Variants in LRRTM4 observed in about 807,000 individuals in gnomAD.
The protein encoded by LRRTM4 is leucine-rich repeat transmembrane neuronal protein 4.
Under a neutral mutation model 47.6 loss-of-function variants are expected in LRRTM4, and 25 were observed. The ratio of observed to expected loss-of-function variants is 0.53; its 90% confidence interval spans 0.38 to 0.73. The LOEUF is 0.73. LRRTM4 is among the 30% of genes least tolerant of loss of function. The probability of loss-of-function intolerance (pLI) is 0.00; values close to 1 mark genes in which losing one functional copy is unlikely to be tolerated. For synonymous variants in LRRTM4, 311 were observed against 269.5 expected, an observed-to-expected ratio of 1.15 and a Z score of -1.51; for missense variants, 638 against 713.4, an observed-to-expected ratio of 0.89 and a Z score of 1.20.
chr2:77,009,096 T>C (rs1677773860), intron 3 of LRRTM4: 2 of 152,180 alleles, frequency 1.3e-5, no homozygotes, highest in South Asian at 2.1e-4. Context: ...ATCATGAGAA[T>C]TGGCACCAAT....
At chr2:77,169,389 GT>G (rs1672982244) in intron 3 of LRRTM4, among the ~76,000 whole-genome samples, 1 of 151,818 alleles carries the variant, frequency 6.6e-6, no homozygotes, top group South Asian at 2.1e-4. Context: ...AAAATTTTTG[GT>G]GGATTATTTT....
Position 77,074,093 on chromosome 2 carries a change from GT to G in LRRTM4, c.1552-325178del, listed in dbSNP as rs563179098. On this transcript the variant is annotated intron_variant, in intron 3 of 3. Coordinates refer to ENST00000409884, the MANE Select transcript of LRRTM4 (RefSeq NM_001134745.3). The stretch of plus-strand genomic sequence containing the variant: ...TCAATATTGCATAGTGATATTTTAT[GT>G]TTTGTTTTCTTGAATGCAATTTTAA... Among the ~76,000 whole-genome samples the G allele has an allele frequency of 3.6e-3, 548 of 152,106 alleles. 3 individuals are homozygous for G. The highest frequency in any genetic ancestry group is 0.013 in the African/African-American group (525 of 41,516).
chr2:77,074,045 A>G (rs1249321775), intron 3 of LRRTM4, among the ~76,000 whole-genome samples: 1 of 151,982 alleles, frequency 6.6e-6, no homozygotes, highest in Non-Finnish European at 1.5e-5. Context: ...ATTGTTTAAA[A>G]AGTTCACTCT....
In LRRTM4 at chr2:77,519,019, A is replaced by G. The variant is rs1488153728; in HGVS notation, c.850T>C (p.Leu284=). The G allele has an allele frequency of 1.9e-6, 3 of 1,611,788 alleles. No individual in the cohort carries two copies. The highest frequency in any genetic ancestry group is 2.5e-6 in the Non-Finnish European group (3 of 1,178,914). The part of the protein sequence containing the change: ...KCLPNLQKLN[L]DSNKLTNISQ... ...ATATTGGTGAGCTTGTTGGAATCCA[A>G]ATTCAATTTTTGTAAATTGGGGAGG... Residue 284 remains leucine, a synonymous_variant, in exon 3 of 4, where the codon TTG becomes CTG. Transcript: ENST00000409884. The surrounding 1 kb of genome is among the most constrained non-coding windows in gnomAD (Gnocchi z 4.6).
intron 3 of LRRTM4, among the ~76,000 whole-genome samples, chr2:76,929,073 C>T (rs1345778738): frequency 6.6e-6 from 1 of 152,258 alleles, no homozygotes; most frequent in Admixed American, 6.5e-5. Context: ...CTTACTACAA[C>T]ATTACTATGA....
At chr2:76,801,581 G>T (rs141426267) in intron 3 of LRRTM4, among the ~76,000 whole-genome samples, 5,369 of 152,014 alleles carry the variant, frequency 0.035, 287 homozygotes, top group African/African-American at 0.12. Flanking sequence ...GAGTTAGTGG[G>T]TGCAGTGCAC....
intron 3 of LRRTM4, among the ~76,000 whole-genome samples, chr2:77,286,308 C>A (rs142359716): frequency 6.6e-6 from 1 of 151,922 alleles, no homozygotes; most frequent in East Asian, 1.9e-4. Flanking sequence ...TAAACACATA[C>A]AATATAACAT....
chr2:77,232,966 C>T (rs1675008186), intron 3 of LRRTM4, among the ~76,000 whole-genome samples: 1 of 151,812 alleles, frequency 6.6e-6, no homozygotes, highest in Non-Finnish European at 1.5e-5. Context: ...AAAACTATAA[C>T]AAAAAAATCT....
At chr2:76,766,415 A>G (rs182735049) in intron 3 of LRRTM4, among the ~76,000 whole-genome samples, 100 of 152,288 alleles carry the variant, frequency 6.6e-4, no homozygotes, top group African/African-American at 2.1e-3. Context: ...ATGTTATCCC[A>G]AAGGACCACG....
intron 3 of LRRTM4, among the ~76,000 whole-genome samples, chr2:76,807,423 T>TATATAC (rs1383220341): frequency 1.1e-5 from 1 of 87,670 alleles, no homozygotes; most frequent in South Asian, 3.5e-4. Context: ...TATATATATA[T>TATATAC]ACATATATAT....
chr2:76,877,999 A>C (rs1672825256), intron 3 of LRRTM4, among the ~76,000 whole-genome samples: 1 of 152,156 alleles, frequency 6.6e-6, no homozygotes, highest in African/African-American at 2.4e-5. Flanking sequence ...AATACATTGA[A>C]GATTGGTGGT....
intron 3 of LRRTM4, among the ~76,000 whole-genome samples, chr2:77,286,414 T>C (rs543747779): frequency 3.9e-4 from 60 of 152,072 alleles, no homozygotes; most frequent in Admixed American, 1.6e-3. Context: ...ATAATCATAC[T>C]CTTTAATTAA....
At chr2:77,516,815 C>A in intron 3 of LRRTM4, 3 of 981,652 alleles carry the variant, frequency 3.1e-6, no homozygotes, top group Middle Eastern at 1.0e-3. Context: ...GTTCAATAGT[C>A]CAAATTGTAC....
rs1032666175 is a variant in LRRTM4 at position 77,444,441 on chromosome 2, T to C, written c.1551+73877A>G. Among the ~76,000 whole-genome samples, 13 of 152,222 alleles carry C rather than the reference T, an allele frequency of 8.5e-5. No individual in the cohort carries two copies. The East Asian group carries it at 1.4e-3, about 16-fold the overall frequency. On this transcript the variant is annotated intron_variant, in intron 3 of 3. Coordinates refer to ENST00000409884, the MANE Select transcript of LRRTM4 (RefSeq NM_001134745.3). ...AGATATTTCCTTCATGTTATTTTTA[T>C]GAAAGAATAACGTGGAAGGACACAC...
chr2:77,509,849 G>A (rs1320992504), intron 3 of LRRTM4, among the ~76,000 whole-genome samples: 1 of 152,122 alleles, frequency 6.6e-6, no homozygotes, highest in Non-Finnish European at 1.5e-5. Context: ...GAAGTAAAGA[G>A]AGTCTGCTTC....
At position 77,522,319 on chromosome 2, in the gene LRRTM4, C is replaced by T; in HGVS notation, c.-358G>A. The T allele has an allele frequency of 1.9e-6, 1 of 516,486 alleles. No homozygotes were observed. Among genetic ancestry groups the T allele is most frequent in the Non-Finnish European group, 3.4e-6 (1 of 290,332 alleles). 32.0% of individuals were successfully genotyped at this position (516,486 alleles called of 1,614,324 possible). A position where few individuals can be genotyped will look rare whatever the true frequency, so the allele number is the denominator to read the frequency against. On this transcript the variant is annotated 5_prime_UTR_variant, in exon 1 of 4. Coordinates refer to ENST00000409884, the MANE Select transcript of LRRTM4 (RefSeq NM_001134745.3). ...GCCCTTGTCTAATTCAGAAGGCTTT[C>T]CAGAGACTGATGATGCTCAGAGCTT...
chr2:77,231,966 C>G (rs922600570), intron 3 of LRRTM4, among the ~76,000 whole-genome samples: 1 of 152,024 alleles, frequency 6.6e-6, no homozygotes, highest in Non-Finnish European at 1.5e-5. Flanking sequence ...TTTTATTTAC[C>G]TTTTGCTTTT....
At chr2:77,444,366 T>C (rs1248357415) in intron 3 of LRRTM4, among the ~76,000 whole-genome samples, 2 of 152,120 alleles carry the variant, frequency 1.3e-5, no homozygotes, top group Admixed American at 6.6e-5. Flanking sequence ...TTACACTTTC[T>C]GAAGTTCAGC....
At chr2:77,104,240 C>T (rs191395647) in intron 3 of LRRTM4, among the ~76,000 whole-genome samples, 1 of 152,172 alleles carries the variant, frequency 6.6e-6, no homozygotes, top group Non-Finnish European at 1.5e-5. Flanking sequence ...TCTTCCTCCA[C>T]CTCTGCCTCA....
Sources: allele counts gnomAD v4.1 joint callset (sites outside exome capture counted in the v4.1 genomes callset), GRCh38; gene constraint gnomAD v4.1.1; non-coding constraint Gnocchi (gnomAD v3.1); transcripts MANE v1.5; gene names NCBI Gene and HGNC (gene_info 2026-07-23, HGNC 2026-07-21).